CHRNA4: variants seen among roughly 807,000 people sequenced by gnomAD.
CHRNA4 encodes the protein neuronal acetylcholine receptor subunit alpha-4.
A neutral mutation model predicts 48.9 loss-of-function variants in CHRNA4; 28 were observed. The ratio of observed to expected loss-of-function variants is 0.57; its 90% confidence interval spans 0.42 to 0.79. CHRNA4 has a LOEUF of 0.79. CHRNA4 is among the 30% of genes least tolerant of loss of function. The pLI, the probability that CHRNA4 is intolerant of heterozygous loss-of-function variation, is 0.00. For synonymous variants in CHRNA4, 425 were observed against 402.3 expected (o/e 1.06, Z -0.68); for missense variants, 859 against 898.4 (o/e 0.96, Z 0.56).
intron 2 of CHRNA4, among the ~76,000 whole-genome samples, chr20:63,359,186 GC>G (rs1459796712): frequency 6.6e-6 from 1 of 152,158 alleles, no homozygotes; most frequent in East Asian, 1.9e-4. Flanking sequence ...CCCGGCCCCT[GC>G]CCCGGCCGGT....
At chr20:63,358,184 G>T (rs969058244) in intron 2 of CHRNA4, among the ~76,000 whole-genome samples, 17 of 152,310 alleles carry the variant, frequency 1.1e-4, no homozygotes, top group Non-Finnish European at 2.4e-4. Context: ...GGAGGTCTGG[G>T]TGGCCAACCC....
In CHRNA4 at chr20:63,350,346, C is replaced by A. The variant is rs1057520889; in HGVS notation, c.1065G>T (p.Leu355=). Residue 355 remains leucine, a synonymous_variant, in exon 5 of 6, where the codon CTG becomes CTT. Transcript: ENST00000370263. ...CCACGGACGGCCGCTTCATGAGGAG[C>A]AGGCGTGGCACGATGTCCAGGAAGA... ...RRVFLDIVPR[L]LLMKRPSVVK... 1 of 1,613,540 alleles carries A rather than the reference C, an allele frequency of 6.2e-7. No individual in the cohort carries two copies. The highest frequency in any genetic ancestry group is 8.5e-7 in the Non-Finnish European group (1 of 1,180,026).
Position 63,356,351 on chromosome 20 carries a change from G to A in CHRNA4, c.273+20C>T. The A allele has an allele frequency of 6.3e-7, 1 of 1,575,922 alleles. No individual in the cohort carries two copies. Among genetic ancestry groups the A allele is most frequent in the Non-Finnish European group, 8.6e-7 (1 of 1,160,392 alleles). On this transcript the variant is annotated intron_variant, in intron 3 of 5. Coordinates refer to ENST00000370263, the MANE Select transcript of CHRNA4 (RefSeq NM_000744.7). Reference sequence around the variant, plus strand: ...GTGGGGGAGGGCAGGGGTGGGGCAGGGCAGTGCCCTCCCACTCACCTGCTT... The same window carrying A: ...GTGGGGGAGGGCAGGGGTGGGGCAGAGCAGTGCCCTCCCACTCACCTGCTT...
At chr20:63,347,469 T>TTCCGGCTCCAGG (rs2068514652) in intron 5 of CHRNA4, among the ~76,000 whole-genome samples, 1 of 152,128 alleles carries the variant, frequency 6.6e-6, no homozygotes. Context: ...GGACAGCGGG[T>TTCCGGCTCCAGG]TCCGGCTCCA....
rs199759523 is a variant in CHRNA4, at chr20:63,343,644, A to G, written c.*3094T>C. ...TCGCCCCAGGCCGGGCCACACGGGA[A>G]GCACCCAGGCCGGTCCGGAGGCAGA... On this transcript the variant is annotated 3_prime_UTR_variant, in exon 6 of 6. Coordinates refer to ENST00000370263, the MANE Select transcript of CHRNA4 (RefSeq NM_000744.7). 6.6e-5 allele frequency: 30 copies of G among 451,964 alleles called. No individual in the cohort carries two copies. Among genetic ancestry groups the G allele is most frequent in the Admixed American group, 1.4e-4 (6 of 42,512 alleles). The allele number at this position is 451,964 out of a possible 1,614,324, so 28.0% of individuals were successfully genotyped here.
intron 4 of CHRNA4, chr20:63,355,307 C>A: frequency 2.8e-6 from 1 of 361,218 alleles, no homozygotes; most frequent in Non-Finnish European, 5.4e-6. Flanking sequence ...GCCCTGGCTT[C>A]CAGGCACAGA....
chr20:63,359,794 G>C (rs370461119), intron 1 of CHRNA4, 95 bp from the exon 2 acceptor site: 50 of 1,451,826 alleles, frequency 3.4e-5, no homozygotes, highest in East Asian at 3.4e-4. Context: ...CCCCTGCCCA[G>C]CACGTCCACT....
rs1315507965 is a variant in CHRNA4, at chr20:63,350,455, A to G, written c.956T>C (p.Leu319Pro). ...YLLFTMIFVT[L>P]SIVITVFVLN... Reference sequence around the variant, plus strand: ...CACGAAGACCGTGATGACGATGGACAGGGTGACGAAGATCATGGTGAACAG... The same window carrying G: ...CACGAAGACCGTGATGACGATGGACGGGGTGACGAAGATCATGGTGAACAG... The change falls in exon 5 of 6, where the codon CTG (leucine) becomes CCG (proline). Residue 319 changes from leucine (L) to proline (P), a missense_variant. Coordinates refer to ENST00000370263, the MANE Select transcript of CHRNA4 (RefSeq NM_000744.7). 1.9e-6 allele frequency: 3 copies of G among 1,613,544 alleles called. No homozygotes were observed. The highest frequency in any genetic ancestry group is 1.7e-5 in the Admixed American group (1 of 59,964).
Position 63,350,338 on chromosome 20 carries a change from A to G in CHRNA4, c.1073T>C (p.Met358Thr). Residue 358 changes from methionine (M) to threonine (T), a missense_variant, in exon 5 of 6, where the codon ATG (methionine) becomes ACG (threonine). Around this residue, in one of 3 missense-constraint regions of CHRNA4, gnomAD observed 478 missense variants for 455.4 expected, o/e 1.05. Coordinates refer to ENST00000370263, the MANE Select transcript of CHRNA4 (RefSeq NM_000744.7). ...GTCCTTGACCACGGACGGCCGCTTCATGAGGAGCAGGCGTGGCACGATGTC... is the reference window on the plus strand; with the variant it reads ...GTCCTTGACCACGGACGGCCGCTTCGTGAGGAGCAGGCGTGGCACGATGTC... ...FLDIVPRLLL[M>T]KRPSVVKDNC... 6.2e-7 allele frequency: 1 copy of G among 1,613,480 alleles called. No homozygotes were observed. Among genetic ancestry groups the G allele is most frequent in the Non-Finnish European group, 8.5e-7 (1 of 1,180,024 alleles).
chr20:63,361,159 G>C lies in CHRNA4; in HGVS notation c.7C>G (p.Leu3Val). 2 of 1,479,918 alleles carry C rather than the reference G, an allele frequency of 1.4e-6. No individual in the cohort carries two copies. Among genetic ancestry groups the C allele is most frequent in the Non-Finnish European group, 1.8e-6 (2 of 1,121,552 alleles). 91.7% of individuals were successfully genotyped at this position (1,479,918 alleles called of 1,614,324 possible). ME[L>V]GGPGAPRLLP... ...AGCCGCGGCGCTCCGGGGCCCCCTA[G>C]CTCCATGGCGCACGCACCTCGCGGG... The change falls in exon 1 of 6, where the codon CTA becomes GTA. Residue 3 changes from leucine to valine, a missense_variant. By Grantham distance (32) the Leu-to-Val change is conservative. Around this residue, in one of 3 missense-constraint regions of CHRNA4, gnomAD observed 342 missense variants for 365.3 expected, o/e 0.94. Transcript: ENST00000370263.
rs1568819698 is a variant in CHRNA4, at chr20:63,359,658, G to A, written c.118C>T (p.Leu40Phe). The A allele has an allele frequency of 5.0e-6, 8 of 1,611,998 alleles. No homozygotes were observed. Among genetic ancestry groups the A allele is most frequent in the Admixed American group, 3.3e-5 (2 of 60,008 alleles). Reference sequence around the variant, plus strand: ...TAACCGGAGAAGAGTTTCTTCAGGAGCCGCTCCTCGGCGTGGGCCCGGGTC... The same window carrying A: ...TAACCGGAGAAGAGTTTCTTCAGGAACCGCTCCTCGGCGTGGGCCCGGGTC... ...VETRAHAEERLLKKLFSGYNK... is the reference protein window; with the variant it reads ...VETRAHAEERFLKKLFSGYNK... The change falls in exon 2 of 6, where the codon CTC becomes TTC. Residue 40 changes from leucine (L) to phenylalanine (F), a missense_variant. By Grantham distance (22) the Leu-to-Phe change is conservative. Around this residue, in one of 3 missense-constraint regions of CHRNA4, gnomAD observed 342 missense variants for 365.3 expected, o/e 0.94. Coordinates refer to ENST00000370263, the MANE Select transcript of CHRNA4 (RefSeq NM_000744.7).
rs199845566 is a variant in CHRNA4, at chr20:63,344,977, G to A, written c.*1761C>T. On this transcript the variant is annotated 3_prime_UTR_variant, in exon 6 of 6. Transcript: ENST00000370263. This position sits in a 1 kb window ranked among gnomAD's most constrained non-coding sequence, Gnocchi z 4.5. ...TGTCCCACCCACTCCTGGCACAAAAGCCCCAGCCTCAGGACCCCGGTCACA... is the reference window on the plus strand; with the variant it reads ...TGTCCCACCCACTCCTGGCACAAAAACCCCAGCCTCAGGACCCCGGTCACA... The A allele has an allele frequency of 6.8e-5, 29 of 424,064 alleles. No individual in the cohort carries two copies. Among genetic ancestry groups the A allele is most frequent in the African/African-American group, 5.0e-4 (25 of 49,628 alleles). The allele number at this position is 424,064 out of a possible 1,614,324, so 26.3% of individuals were successfully genotyped here.
intron 2 of CHRNA4, among the ~76,000 whole-genome samples, chr20:63,358,390 C>T (rs2068751134): frequency 6.6e-6 from 1 of 152,244 alleles, no homozygotes; most frequent in Admixed American, 6.5e-5. Flanking sequence ...GGTTACCCAA[C>T]ACGCACGGCA....
intron 4 of CHRNA4, among the ~76,000 whole-genome samples, chr20:63,351,378 G>A (rs1247610189): frequency 6.6e-6 from 1 of 152,206 alleles, no homozygotes; most frequent in Non-Finnish European, 1.5e-5. Context: ...TGAGCTGGGC[G>A]TAGCACGTGG....
rs755449193 is a variant in CHRNA4, at chr20:63,361,211, C to G, written c.-46G>C. 10 of 1,450,506 alleles carry G rather than the reference C, an allele frequency of 6.9e-6. No homozygotes were observed. The South Asian group carries it at 1.3e-4, about 19-fold the overall frequency. The allele number at this position is 1,450,506 out of a possible 1,614,324, so 89.9% of individuals were successfully genotyped here. A position where few individuals can be genotyped will look rare whatever the true frequency, so the allele number is the denominator to read the frequency against. On this transcript the variant is annotated 5_prime_UTR_variant, in exon 1 of 6. Transcript: ENST00000370263. ...TCTAGATGCGGGCGGCTCCCGGCTCCCCGCCGCTTCGAGGCCCGTGCGCGC... is the reference window on the plus strand; with the variant it reads ...TCTAGATGCGGGCGGCTCCCGGCTCGCCGCCGCTTCGAGGCCCGTGCGCGC...
At chr20:63,348,858 G>A (rs891417534) in intron 5 of CHRNA4, among the ~76,000 whole-genome samples, 4 of 152,180 alleles carry the variant, frequency 2.6e-5, no homozygotes, top group African/African-American at 9.7e-5. Flanking sequence ...TGGTGCTGGG[G>A]TCAGGCAAAG....
intron 1 of CHRNA4, chr20:63,360,121 A>C: frequency 4.0e-6 from 1 of 251,508 alleles, no homozygotes; most frequent in Non-Finnish European, 7.9e-6. Flanking sequence ...ACTGACTTCC[A>C]GGGAAGGGCT....
At chr20:63,354,189 G>A (rs2068679399) in intron 4 of CHRNA4, among the ~76,000 whole-genome samples, 2 of 124,340 alleles carry the variant, frequency 1.6e-5, no homozygotes, top group Admixed American at 1.7e-4. Flanking sequence ...GGGGGCTGTG[G>A]TCCTGGGGGG....
intron 2 of CHRNA4, among the ~76,000 whole-genome samples, chr20:63,357,062 TCTCCACGGACCACGTC>T: frequency 8.0e-6 from 1 of 124,728 alleles, no homozygotes; most frequent in South Asian, 3.0e-4. Flanking sequence ...CAGGACCACA[TCTCCACGGACCACGTC>T]CCCACAGAAC....
Sources: gnomAD v4.1 joint callset for allele counts (sites outside exome capture counted in the v4.1 genomes callset) on GRCh38, gnomAD v4.1.1 for gene constraint, gnomAD v4.1.1 regional missense constraint, Gnocchi (gnomAD v3.1) non-coding constraint, MANE v1.5 for transcripts, NCBI Gene and HGNC (gene_info 2026-07-23, HGNC 2026-07-21) for gene names.